Variants in ARL15 observed in about 807,000 individuals in gnomAD.
ARL15 encodes the protein ADP-ribosylation factor-like protein 15.
In ARL15, 19 loss-of-function variants were observed where a neutral mutation model predicts 25.2. The ratio of observed to expected loss-of-function variants is 0.75; its 90% CI spans 0.53 to 1.10. ARL15 has a LOEUF of 1.10. ARL15 is among the 50% of genes least tolerant of loss of function. The probability of loss-of-function intolerance (pLI) is 0.00; values close to 1 mark genes in which losing one functional copy is unlikely to be tolerated. For synonymous variants in ARL15, 94 were observed against 86.8 expected (o/e 1.08, Z -0.46); for missense variants, 220 against 246.0 (o/e 0.89, Z 0.71).
At chr5:53,949,301 C>A (rs568956947) in intron 4 of ARL15, among the ~76,000 whole-genome samples, 1 of 152,088 alleles carries the variant, frequency 6.6e-6, no homozygotes, top group Non-Finnish European at 1.5e-5. Flanking sequence ...CACAAATACA[C>A]TAAAATAATG....
intron 4 of ARL15, among the ~76,000 whole-genome samples, chr5:53,932,456 T>C (rs1043287698): frequency 1.3e-5 from 2 of 152,132 alleles, no homozygotes; most frequent in Non-Finnish European, 2.9e-5. Flanking sequence ...AGTTACAAAA[T>C]GGACCTACTA....
chr5:54,136,338 A>G (rs1753602386), intron 3 of ARL15, among the ~76,000 whole-genome samples: 1 of 152,258 alleles, frequency 6.6e-6, no homozygotes, highest in Non-Finnish European at 1.5e-5. Context: ...AATTCAAATT[A>G]TAAGGAGAAT....
Position 53,886,714 on chromosome 5 carries a change from C to CT in ARL15, c.463-2dup. The CT allele has an allele frequency of 6.5e-7, 1 of 1,542,822 alleles. No individual in the cohort carries two copies. Among genetic ancestry groups the CT allele is most frequent in the South Asian group, 1.2e-5 (1 of 80,378 alleles). On this transcript the variant is annotated splice_acceptor_variant, in intron 4 of 4. Transcript: ENST00000504924. LOFTEE classifies it high-confidence loss of function. ...GTTCAAGTTCAAAATATTTTTTGAT[C>CT]TTAAGAGGAAAAAATAAAGATAAAT...
At chr5:54,228,148 T>C (rs759056474) in intron 1 of ARL15, among the ~76,000 whole-genome samples, 12 of 152,234 alleles carry the variant, frequency 7.9e-5, no homozygotes, top group Non-Finnish European at 1.6e-4. Context: ...CCAAACACAT[T>C]ACAATTTCAG....
chr5:53,925,490 C>T (rs192330570), intron 4 of ARL15, among the ~76,000 whole-genome samples: 1 of 152,268 alleles, frequency 6.6e-6, no homozygotes, highest in Non-Finnish European at 1.5e-5. Context: ...AACCACTGTG[C>T]CTGGCCTTTC....
chr5:53,977,153 T>A (rs1009557240), intron 4 of ARL15, among the ~76,000 whole-genome samples: 1 of 151,906 alleles, frequency 6.6e-6, no homozygotes, highest in Non-Finnish European at 1.5e-5. Context: ...GGTCAGGAGA[T>A]CAAGACCATC....
chr5:54,253,910 C>T (rs1757302350), intron 1 of ARL15, among the ~76,000 whole-genome samples: 1 of 152,086 alleles, frequency 6.6e-6, no homozygotes, highest in South Asian at 2.1e-4. Context: ...ATTATAAGTA[C>T]CTACATAAGG....
intron 1 of ARL15, among the ~76,000 whole-genome samples, chr5:54,206,988 A>G (rs1755889552): frequency 6.6e-6 from 1 of 152,238 alleles, no homozygotes; most frequent in South Asian, 2.1e-4. Context: ...AATGAACCCT[A>G]CATCTTTCAA....
chr5:54,199,760 G>A (rs1179480988), intron 1 of ARL15, among the ~76,000 whole-genome samples: 11 of 144,036 alleles, frequency 7.6e-5, no homozygotes, highest in African/African-American at 2.6e-4. Context: ...TCTAGAACTA[G>A]AAATACCATT....
intron 4 of ARL15, among the ~76,000 whole-genome samples, chr5:54,080,677 T>C (rs1751769311): frequency 1.3e-5 from 2 of 152,206 alleles, no homozygotes; most frequent in Non-Finnish European, 2.9e-5. Context: ...ATTCATAAAA[T>C]ATAAATATCA....
intron 4 of ARL15, among the ~76,000 whole-genome samples, chr5:53,972,027 T>A (rs1747769076): frequency 6.6e-6 from 1 of 152,176 alleles, no homozygotes; most frequent in Non-Finnish European, 1.5e-5. Flanking sequence ...TATGTGTGAA[T>A]ATAGATTTAA....
chr5:54,280,431 G>C (rs1758025881), intron 1 of ARL15, among the ~76,000 whole-genome samples: 2 of 152,164 alleles, frequency 1.3e-5, no homozygotes, highest in Non-Finnish European at 2.9e-5. Context: ...AAGAAATAAA[G>C]AAAATCTGCT....
At chr5:54,206,082 C>A (rs1044618794) in intron 1 of ARL15, among the ~76,000 whole-genome samples, 3 of 152,074 alleles carry the variant, frequency 2.0e-5, no homozygotes, top group Non-Finnish European at 4.4e-5. Context: ...ACAAAACAAA[C>A]CAAACAGTGG....
chr5:54,274,622 G>T (rs1757877626), intron 1 of ARL15, among the ~76,000 whole-genome samples: 1 of 152,174 alleles, frequency 6.6e-6, no homozygotes, highest in Admixed American at 6.5e-5. Flanking sequence ...ATTTAGGTCA[G>T]GCTCGGCGGC....
intron 4 of ARL15, among the ~76,000 whole-genome samples, chr5:54,063,060 C>T (rs10037344): frequency 0.11 from 16,254 of 152,108 alleles, 1,058 homozygotes; most frequent in African/African-American, 0.17. Flanking sequence ...TAGAATCATT[C>T]TACATAACTT....
chr5:54,092,047 A>AACACACACACACACACACACAC (rs758037549), intron 4 of ARL15, among the ~76,000 whole-genome samples: 5,443 of 146,022 alleles, frequency 0.037, 129 homozygotes, highest in Middle Eastern at 0.061. Flanking sequence ...TCAAATTGAA[A>AACACACACACACACACACACAC]ACACACACAC....
chr5:54,163,635 G>C (rs1023158182), intron 2 of ARL15, among the ~76,000 whole-genome samples: 2 of 151,596 alleles, frequency 1.3e-5, no homozygotes, highest in Admixed American at 1.3e-4. Context: ...GAGATTTGAT[G>C]GTTTGTCCTT....
chr5:54,310,162 C>T (rs760681161), intron 1 of ARL15: 9 of 421,852 alleles, frequency 2.1e-5, no homozygotes, highest in Non-Finnish European at 3.4e-5. Flanking sequence ...CCGCCGCGGC[C>T]GCCCCATCTC....
intron 4 of ARL15, among the ~76,000 whole-genome samples, chr5:53,999,766 C>T (rs1387794402): frequency 6.6e-6 from 1 of 151,792 alleles, no homozygotes; most frequent in Non-Finnish European, 1.5e-5. Context: ...CGTGGTGGCA[C>T]ATGCCTGTAA....
Sources: gnomAD v4.1 joint callset for allele counts (sites outside exome capture counted in the v4.1 genomes callset) on GRCh38, gnomAD v4.1.1 for gene constraint, MANE v1.5 for transcripts, NCBI Gene and HGNC (gene_info 2026-07-23, HGNC 2026-07-21) for gene names.